ANK2: variants seen among roughly 807,000 people sequenced by gnomAD.
ANK2 encodes the protein ankyrin-2.
In ANK2, 83 loss-of-function variants were observed where a neutral mutation model predicts 360.5. That is an observed-to-expected ratio of 0.23 (90% confidence interval 0.19 to 0.28). ANK2 has a LOEUF of 0.28. Ranked by LOEUF, ANK2 falls within the 10% of genes least tolerant of loss-of-function variation. The probability of loss-of-function intolerance (pLI) is 1.00; values close to 1 mark genes in which losing one functional copy is unlikely to be tolerated. For missense variants in ANK2, 4,201 were observed against 4,795.7 expected, an observed-to-expected ratio of 0.88 and a Z score of 3.66; for synonymous variants, 1,740 against 1,759.5, an observed-to-expected ratio of 0.99 and a Z score of 0.28.
At chr4:112,820,945 C>G (rs919336770) in intron 1 of ANK2, among the ~76,000 whole-genome samples, 2 of 151,936 alleles carry the variant, frequency 1.3e-5, no homozygotes, top group African/African-American at 4.8e-5. Flanking sequence ...GAGTTTCACT[C>G]TTGTTGCCCA....
chr4:113,066,505 G>T (rs1014527640), intron 1 of ANK2, among the ~76,000 whole-genome samples: 8 of 152,172 alleles, frequency 5.3e-5, no homozygotes, highest in African/African-American at 1.9e-4. Context: ...TACATAAATA[G>T]ATGATTACTA....
chr4:113,002,646 A>T lies in ANK2; in HGVS notation c.21+98132A>T, dbSNP rs72671521. 5.4e-3 allele frequency among the ~76,000 whole-genome samples: 824 copies of T among 152,300 alleles called. 8 individuals are homozygous for T. Among genetic ancestry groups the T allele is most frequent in the Non-Finnish European group, 7.9e-3 (540 of 68,026 alleles). Reference sequence around the variant, plus strand: ...AGACCTTTGTCATTTCCTACCTTGAAAATTGAAATAGGCTTCTTTTTTTCT... The same window carrying T: ...AGACCTTTGTCATTTCCTACCTTGATAATTGAAATAGGCTTCTTTTTTTCT... On this transcript the variant is annotated intron_variant, in intron 2 of 30. Coordinates refer to the ANK2 transcript ENST00000503271.
intron 10 of ANK2, among the ~76,000 whole-genome samples, chr4:113,253,122 T>C (rs2047364733): frequency 6.6e-6 from 1 of 152,184 alleles, no homozygotes; most frequent in Admixed American, 6.5e-5. Flanking sequence ...GCCCATGTAG[T>C]CTACATTCTC....
chr4:112,889,932 G>T (rs2079482317), intron 1 of ANK2, among the ~76,000 whole-genome samples: 1 of 152,198 alleles, frequency 6.6e-6, no homozygotes, highest in Non-Finnish European at 1.5e-5. Context: ...TTTGTTGAGT[G>T]CAGTTGTAAA....
intron 14 of ANK2, among the ~76,000 whole-genome samples, chr4:113,270,913 T>TC (rs1158694901): frequency 2.0e-5 from 3 of 152,224 alleles, no homozygotes; most frequent in African/African-American, 7.2e-5. Context: ...TTTAATGTGT[T>TC]CCTGGGCCTC....
At chr4:112,899,490 T>G (rs1305681907) in intron 1 of ANK2, among the ~76,000 whole-genome samples, 1 of 152,204 alleles carries the variant, frequency 6.6e-6, no homozygotes, top group Non-Finnish European at 1.5e-5. Flanking sequence ...CCATTAGCAT[T>G]GATGAGAGGA....
chr4:113,353,981 C>CCATCAGAGT lies in ANK2; in HGVS notation c.5366_5374dup (p.Ile1789_Val1791dup). The CCATCAGAGT allele has an allele frequency of 1.9e-6, 3 of 1,613,956 alleles. No homozygotes were observed. On this transcript the variant is annotated inframe_insertion, in exon 38 of 46. Coordinates refer to ENST00000357077, the MANE Select transcript of ANK2 (RefSeq NM_001148.6). ...GAACAGAAAGGTCGAAGCAAGTTGC[C>CCATCAGAGT]CATCAGAGTCAAAGGCAAGGAGGAC...
chr4:113,109,715 A>G (rs1390002666), intron 1 of ANK2, among the ~76,000 whole-genome samples: 1 of 152,118 alleles, frequency 6.6e-6, no homozygotes, highest in African/African-American at 2.4e-5. Flanking sequence ...ATTCCTTATT[A>G]TCATTCCAGC....
chr4:113,238,405 G>A (rs964309491), intron 7 of ANK2, among the ~76,000 whole-genome samples: 7 of 152,044 alleles, frequency 4.6e-5, no homozygotes, highest in Non-Finnish European at 8.8e-5. Flanking sequence ...CTATCATCTC[G>A]CTTGATGACT....
chr4:112,711,910 T>C, the ANK2 span, among the ~76,000 whole-genome samples: 1 of 149,104 alleles, frequency 6.7e-6, no homozygotes, highest in African/African-American at 2.5e-5. Flanking sequence ...AATGCCTGGG[T>C]TCAAGCAATC....
intron 13 of ANK2, among the ~76,000 whole-genome samples, chr4:113,263,733 C>A (rs1300204361): frequency 6.6e-6 from 1 of 152,180 alleles, no homozygotes; most frequent in East Asian, 1.9e-4. Context: ...TGGTTGAAAT[C>A]ATCCTTATCT....
At chr4:112,941,732 G>A (rs142628538) in intron 2 of ANK2, among the ~76,000 whole-genome samples, 1,866 of 146,862 alleles carry the variant, frequency 0.013, 51 homozygotes, top group Admixed American at 0.054. Flanking sequence ...AAAATTATAT[G>A]ATCTATACAC....
intron 1 of ANK2, among the ~76,000 whole-genome samples, chr4:112,830,370 C>A (rs1183918512): frequency 6.6e-6 from 1 of 152,156 alleles, no homozygotes; most frequent in African/African-American, 2.4e-5. Flanking sequence ...AGCCGGAGGC[C>A]ATTATCCTAA....
At position 112,986,941 on chromosome 4, in the gene ANK2, C is replaced by T. The variant is rs76450703; in HGVS notation, c.21+82427C>T. Among the ~76,000 whole-genome samples the T allele has an allele frequency of 3.1e-3, 469 of 152,312 alleles. 17 individuals carry two copies. In the East Asian group the frequency reaches 0.078, roughly 25 times the overall value. On this transcript the variant is annotated intron_variant, in intron 2 of 30. Coordinates refer to the ANK2 transcript ENST00000503271. ...TCCATTTTTTACATATCAGCTACTTCAGTGGTGTCTAATCTTTTGGCTTCC... is the reference window on the plus strand; with the variant it reads ...TCCATTTTTTACATATCAGCTACTTTAGTGGTGTCTAATCTTTTGGCTTCC...
Position 113,358,244 on chromosome 4 carries a change from C to G in ANK2, c.9626C>G (p.Ser3209Cys). ...QLNSQMGISA[S>C]TETPTKEAVS... ...AACTCCCAAATGGGGATTTCAGCCT[C>G]CACTGAAACACCTACAAAAGAAGCT... Residue 3209 changes from serine to cysteine, a missense_variant, in exon 38 of 46, where the codon TCC becomes TGC. This residue lies in a region of ANK2 where 2,642 missense variants were observed against 2,714.5 expected (regional missense o/e 0.97). Transcript: ENST00000357077. The G allele has an allele frequency of 6.2e-7, 1 of 1,614,084 alleles. No homozygotes were observed. The highest frequency in any genetic ancestry group is 8.5e-7 in the Non-Finnish European group (1 of 1,179,960).
intron 2 of ANK2, among the ~76,000 whole-genome samples, chr4:112,936,229 A>T (rs139424235): frequency 0.012 from 1,758 of 152,336 alleles, 32 homozygotes; most frequent in African/African-American, 0.04. Flanking sequence ...CAAATGGCTG[A>T]TGACTTGGGA....
At chr4:112,970,963 T>C (rs2039326221) in intron 2 of ANK2, among the ~76,000 whole-genome samples, 1 of 152,152 alleles carries the variant, frequency 6.6e-6, no homozygotes, top group South Asian at 2.1e-4. Flanking sequence ...CATAAATATA[T>C]ACAATTTTTA....
intron 1 of ANK2, among the ~76,000 whole-genome samples, chr4:113,152,079 G>GA (rs1554193694): frequency 2.0e-3 from 50 of 25,488 alleles, no homozygotes; most frequent in Admixed American, 4.1e-3. Flanking sequence ...AAAAAAAAAA[G>GA]AAAAAAAAAA....
chr4:113,255,339 G>A (rs1269737332), intron 10 of ANK2, among the ~76,000 whole-genome samples: 2 of 152,158 alleles, frequency 1.3e-5, no homozygotes, highest in African/African-American at 4.8e-5. Context: ...ACTTCCCTCT[G>A]TATTTATAAG....
Sources: allele counts gnomAD v4.1 joint callset (sites outside exome capture counted in the v4.1 genomes callset), GRCh38; gene constraint gnomAD v4.1.1; regional missense constraint gnomAD v4.1.1; transcripts MANE v1.5; gene names NCBI Gene and HGNC (gene_info 2026-07-23, HGNC 2026-07-21).